Variants in DDX46 observed in about 807,000 individuals in gnomAD.
The protein encoded by DDX46 is probable ATP-dependent RNA helicase DDX46.
DDX46 carries 30 observed loss-of-function variants against 134.9 expected under a neutral mutation model. That is an observed-to-expected ratio of 0.22 (90% CI 0.17 to 0.30). The LOEUF (loss-of-function observed/expected upper bound fraction) is 0.30. Among genes scored for constraint, DDX46 ranks in the 10% least tolerant of loss-of-function variants. DDX46 has a pLI of 1.00. For synonymous variants in DDX46, 415 were observed against 404.1 expected (o/e 1.03, Z -0.32); for missense variants, 622 against 1,248.7 (o/e 0.50, Z 7.56).
At chr5:134,808,647 T>G (rs1755057940) in intron 16 of DDX46, among the ~76,000 whole-genome samples, 1 of 152,204 alleles carries the variant, frequency 6.6e-6, no homozygotes, top group Non-Finnish European at 1.5e-5. Context: ...TCTCCACACC[T>G]ACCAATTTCT....
chr5:134,795,873 G>A (rs1754641092), intron 14 of DDX46, 115 bp from the exon 15 acceptor site: 2 of 967,694 alleles, frequency 2.1e-6, no homozygotes, highest in Non-Finnish European at 3.0e-6. Context: ...CTAGCCCTTG[G>A]TAAAGATATA....
At position 134,773,791 on chromosome 5, in the gene DDX46, CAT is replaced by C; in HGVS notation, c.545_546del (p.Ile182ArgfsTer22). ...EEQRKKAMENIGELKKEIEEM... is the reference protein window; with the variant it reads ...EEQRKKAMENXGELKKEIEEM... ...AGCAACGTAAAAAGGCTATGGAAAA[CAT>C]AGGAGAACTGAAAAAGGAAATCGAA... On this transcript the variant is annotated frameshift_variant, in exon 5 of 23. Transcript: ENST00000452510. LOFTEE classifies it high-confidence loss of function. 6.2e-7 allele frequency: 1 copy of C among 1,612,024 alleles called. No individual in the cohort carries two copies. Among genetic ancestry groups the C allele is most frequent in the Non-Finnish European group, 8.5e-7 (1 of 1,179,296 alleles).
chr5:134,828,733 T>C lies in DDX46; in HGVS notation c.*27T>C. On this transcript the variant is annotated 3_prime_UTR_variant, in exon 23 of 23. Transcript: ENST00000452510. ...CATCCGGAAAAAAGATTTTTACCTG[T>C]GCTGGTCTATGATGTATGTGGCAGT... 1 of 1,466,572 alleles carries C rather than the reference T, an allele frequency of 6.8e-7. No individual in the cohort carries two copies. The highest frequency in any genetic ancestry group is 9.1e-7 in the Non-Finnish European group (1 of 1,104,574). The allele number at this position is 1,466,572 out of a possible 1,614,324, so 90.8% of individuals were successfully genotyped here.
intron 1 of DDX46, among the ~76,000 whole-genome samples, chr5:134,760,719 G>C (rs1469786869): frequency 6.6e-6 from 1 of 151,962 alleles, no homozygotes; most frequent in Non-Finnish European, 1.5e-5. Context: ...GGTATTACTT[G>C]GTTGTTTTTT....
At chr5:134,800,398 A>G (rs1399867227) in intron 15 of DDX46, among the ~76,000 whole-genome samples, 1 of 152,120 alleles carries the variant, frequency 6.6e-6, no homozygotes, top group Non-Finnish European at 1.5e-5. Context: ...ATGTTGTTGC[A>G]TGTATCAGTA....
At chr5:134,819,892 T>C (rs1014776375) in intron 21 of DDX46, among the ~76,000 whole-genome samples, 5 of 152,006 alleles carry the variant, frequency 3.3e-5, no homozygotes, top group Non-Finnish European at 5.9e-5. Context: ...TGTCACACTT[T>C]ATTTATGTTT....
At chr5:134,778,636 C>T (rs1176775444) in intron 6 of DDX46, among the ~76,000 whole-genome samples, 1 of 151,970 alleles carries the variant, frequency 6.6e-6, no homozygotes, top group Non-Finnish European at 1.5e-5. Flanking sequence ...TGCAGTGGCG[C>T]AATCTTGGCT....
chr5:134,775,849 T>C (rs1753918674), intron 5 of DDX46, among the ~76,000 whole-genome samples: 1 of 152,154 alleles, frequency 6.6e-6, no homozygotes. Flanking sequence ...AACTGAGATA[T>C]GCTATCTTCT....
At chr5:134,828,594 GTT>G (rs34675300) in intron 22 of DDX46, 63 bp from the exon 23 acceptor site, 10,052 of 783,268 alleles carry the variant, frequency 0.013, no homozygotes, top group South Asian at 0.023. Flanking sequence ...TGGTTGGTTC[GTT>G]TTTTTTTTTT....
In DDX46 at chr5:134,814,270, G is replaced by A. The variant is rs117252988; in HGVS notation, c.2437-2160G>A. 5.5e-3 allele frequency among the ~76,000 whole-genome samples: 837 copies of A among 152,232 alleles called. 4 individuals carry two copies. Among genetic ancestry groups the A allele is most frequent in the Middle Eastern group, 0.041 (12 of 294 alleles). ...CGGTGCGGTACTATCTCTGTTTTTA[G>A]GCATTCACTGGGGTTCTTGGAATGT... is the stretch of plus-strand genomic sequence containing the variant. On this transcript the variant is annotated intron_variant, in intron 18 of 22. Coordinates refer to ENST00000452510, the MANE Select transcript of DDX46 (RefSeq NM_001300860.2).
At chr5:134,824,782 A>G (rs1755546094) in intron 21 of DDX46, among the ~76,000 whole-genome samples, 4 of 152,310 alleles carry the variant, frequency 2.6e-5, no homozygotes, top group Admixed American at 2.0e-4. Flanking sequence ...GCCTAGTGTC[A>G]TCTGTTTCTA....
intron 13 of DDX46, among the ~76,000 whole-genome samples, chr5:134,793,827 G>T (rs1246668836): frequency 2.0e-5 from 3 of 152,134 alleles, no homozygotes; most frequent in Non-Finnish European, 4.4e-5. Flanking sequence ...ATTGTTGTAG[G>T]CAGTCTGGCA....
intron 13 of DDX46, among the ~76,000 whole-genome samples, chr5:134,793,348 T>C (rs1040802859): frequency 1.3e-5 from 2 of 152,112 alleles, no homozygotes; most frequent in African/African-American, 4.8e-5. Context: ...TAGAGAAGAG[T>C]TGGCAAGCAG....
intron 3 of DDX46, among the ~76,000 whole-genome samples, chr5:134,770,164 T>C (rs1201463248): frequency 2.6e-5 from 4 of 151,862 alleles, no homozygotes. Context: ...CCCAAAATAC[T>C]GAGCTTACAG....
rs908504042 is a variant in DDX46, at chr5:134,776,712, C to T, written c.614-862C>T. Among the ~76,000 whole-genome samples, 8 of 148,826 alleles carry T rather than the reference C, an allele frequency of 5.4e-5. No homozygotes were observed. The East Asian group carries it at 8.0e-4, about 15-fold the overall frequency. ...TGGGTGGATCACAAGGTCAGGAGTT[C>T]GAGACCAGCCTGACAAACATGGTGA... On this transcript the variant is annotated intron_variant, in intron 5 of 22. Transcript: ENST00000452510.
At chr5:134,799,034 A>G (rs1036326208) in intron 15 of DDX46, among the ~76,000 whole-genome samples, 1 of 152,158 alleles carries the variant, frequency 6.6e-6, no homozygotes, top group African/African-American at 2.4e-5. Flanking sequence ...AGAGTTTTTT[A>G]AAGTTTCCGG....
At chr5:134,781,848 C>T (rs1385752926) in intron 7 of DDX46, 73 bp from the exon 8 acceptor site, 10 of 1,398,182 alleles carry the variant, frequency 7.2e-6, no homozygotes, top group Non-Finnish European at 7.8e-6. Flanking sequence ...ATTTGAAAAG[C>T]TAGGAGTATT....
At chr5:134,828,093 G>C (rs1324698890) in intron 22 of DDX46, among the ~76,000 whole-genome samples, 2 of 152,166 alleles carry the variant, frequency 1.3e-5, no homozygotes, top group Non-Finnish European at 1.5e-5. Context: ...TGCCTTTCCC[G>C]AGGAGGTAGA....
intron 8 of DDX46, 70 bp downstream of exon 8, chr5:134,782,156 G>A: frequency 1.4e-6 from 2 of 1,401,312 alleles, no homozygotes; most frequent in Non-Finnish European, 1.9e-6. Context: ...TTGCTCAAGA[G>A]AAATGTGGAT....
Sources: gnomAD v4.1 joint callset for allele counts (sites outside exome capture counted in the v4.1 genomes callset) on GRCh38, gnomAD v4.1.1 for gene constraint, MANE v1.5 for transcripts, NCBI Gene and HGNC (gene_info 2026-07-23, HGNC 2026-07-21) for gene names.